CDC42BPA: variants seen among roughly 807,000 people sequenced by gnomAD.
The protein encoded by CDC42BPA is serine/threonine-protein kinase MRCK alpha.
A neutral mutation model predicts 223.5 loss-of-function variants in CDC42BPA; 80 were observed. That is an observed-to-expected ratio of 0.36 (90% CI 0.30 to 0.43). The LOEUF (loss-of-function observed/expected upper bound fraction) is 0.43. Among genes scored for constraint, CDC42BPA ranks in the 20% least tolerant of loss-of-function variants. The pLI is 1.00. For missense variants in CDC42BPA, 1,743 were observed against 2,099.9 expected, an observed-to-expected ratio of 0.83 and a Z score of 3.32; for synonymous variants, 694 against 718.6, an observed-to-expected ratio of 0.97 and a Z score of 0.55.
chr1:227,072,165 C>A, intron 20 of CDC42BPA, 43 bp downstream of exon 20: 1 of 1,040,706 alleles, frequency 9.6e-7, no homozygotes, highest in Non-Finnish European at 1.4e-6. Context: ...ATATTTATAA[C>A]ATAACAGTAA....
rs747657351 is a variant in CDC42BPA, at chr1:227,051,913, G to C, written c.2977C>G (p.Pro993Ala). 4 of 1,366,440 alleles carry C rather than the reference G, an allele frequency of 2.9e-6. No homozygotes were observed. The East Asian group carries it at 1.8e-4, about 62-fold the overall frequency. The allele number at this position is 1,366,440 out of a possible 1,614,324, so 84.6% of individuals were successfully genotyped here. A position where few individuals can be genotyped will look rare whatever the true frequency, so the allele number is the denominator to read the frequency against. ...KFHIQSRSTS[P>A]STSSEAEPVK... ...GGCTCAGCTTCACTAGATGTGGAAG[G>C]AGATGTGGACCGTGACTGGATGTGA... The change falls in exon 22 of 37, where the codon CCT (proline) becomes GCT (alanine). Residue 993 changes from proline (P) to alanine (A), a missense_variant. By Grantham distance (27) the Pro-to-Ala change is conservative (BLOSUM62 -1). Transcript: ENST00000366766.
At chr1:227,081,546 G>C (rs142859584) in intron 16 of CDC42BPA, among the ~76,000 whole-genome samples, 2 of 151,318 alleles carry the variant, frequency 1.3e-5, no homozygotes, top group African/African-American at 4.9e-5. Context: ...TCTGCCTCCC[G>C]GGTTCAAGCG....
At chr1:227,226,161 C>G (rs577488187) in intron 2 of CDC42BPA, among the ~76,000 whole-genome samples, 1 of 152,326 alleles carries the variant, frequency 6.6e-6, no homozygotes, top group East Asian at 1.9e-4. Flanking sequence ...TATTTCAATA[C>G]TGTTCTCTGT....
chr1:227,089,442 A>G (rs529944137), intron 16 of CDC42BPA, among the ~76,000 whole-genome samples: 38 of 152,312 alleles, frequency 2.5e-4, no homozygotes, highest in African/African-American at 9.1e-4. Context: ...AAAATTGAAC[A>G]AAAGTTTGAG....
rs58262020 is a variant in CDC42BPA, at chr1:227,200,443, A to AC, written c.355-792_355-791insG. On this transcript the variant is annotated intron_variant, in intron 3 of 36. Coordinates refer to ENST00000366766, the MANE Select transcript of CDC42BPA (RefSeq NM_001394014.1). ...GAGACCTTGCCTTAAAAAACAAACA[A>AC]ACAAAAAAAAAACGAAAGAAAGAAA... Among the ~76,000 whole-genome samples, 105 of 55,658 alleles carry AC rather than the reference A, an allele frequency of 1.9e-3. 1 individual carries two copies. The highest frequency in any genetic ancestry group is 5.4e-3 in the East Asian group (16 of 2,944). 36.5% of individuals were successfully genotyped at this position (55,658 alleles called of 152,430 possible).
chr1:227,291,448 C>T (rs56703671), intron 1 of CDC42BPA, among the ~76,000 whole-genome samples: 46,688 of 151,876 alleles, frequency 0.31, 7,358 homozygotes, highest in East Asian at 0.37. Context: ...ACTCAGGAGG[C>T]TGAGGCAGGA....
chr1:227,053,975 C>A (rs6681959), intron 21 of CDC42BPA, among the ~76,000 whole-genome samples: 1 of 151,992 alleles, frequency 6.6e-6, no homozygotes, highest in Non-Finnish European at 1.5e-5. Flanking sequence ...TAAAATGGAA[C>A]TGAGAAGCAA....
At chr1:227,289,642 T>C (rs950628365) in intron 1 of CDC42BPA, among the ~76,000 whole-genome samples, 1 of 152,208 alleles carries the variant, frequency 6.6e-6, no homozygotes, top group Non-Finnish European at 1.5e-5. Flanking sequence ...ATCTCCAGAT[T>C]TTTATGTCTG....
At chr1:227,178,631 G>A (rs751524542) in intron 5 of CDC42BPA, among the ~76,000 whole-genome samples, 40 of 152,112 alleles carry the variant, frequency 2.6e-4, no homozygotes, top group Non-Finnish European at 5.3e-4. Context: ...GGGTAGCTAC[G>A]ACTACAGGCA....
At chr1:227,230,538 ATT>A (rs1359214639) in intron 2 of CDC42BPA, among the ~76,000 whole-genome samples, 3 of 152,092 alleles carry the variant, frequency 2.0e-5, no homozygotes, top group African/African-American at 7.2e-5. Context: ...GATCTTATGC[ATT>A]GTTAGGTTAA....
At chr1:227,026,213 T>C in intron 30 of CDC42BPA, 61 bp from the exon 31 acceptor site, 2 of 873,624 alleles carry the variant, frequency 2.3e-6, no homozygotes, top group East Asian at 2.5e-5. Context: ...CCCCAAATAT[T>C]TTGAAAGGTC....
At chr1:227,051,388 T>A (rs2148869494) in intron 22 of CDC42BPA, among the ~76,000 whole-genome samples, 1 of 152,298 alleles carries the variant, frequency 6.6e-6, no homozygotes, top group East Asian at 1.9e-4. Context: ...ACAACACAGT[T>A]TTTTTTGCAC....
At chr1:227,121,725 A>G (rs1688690360) in intron 11 of CDC42BPA, among the ~76,000 whole-genome samples, 1 of 151,884 alleles carries the variant, frequency 6.6e-6, no homozygotes, top group African/African-American at 2.4e-5. Flanking sequence ...ATTTAAATCA[A>G]TTTCTTTCAA....
chr1:227,165,872 T>C (rs1460875726), intron 5 of CDC42BPA, among the ~76,000 whole-genome samples: 1 of 152,220 alleles, frequency 6.6e-6, no homozygotes, highest in Non-Finnish European at 1.5e-5. Context: ...CTTTTCAATA[T>C]AACCTTTTTT....
intron 31 of CDC42BPA, among the ~76,000 whole-genome samples, chr1:227,025,454 T>C (rs565759036): frequency 2.0e-5 from 3 of 152,332 alleles, no homozygotes; most frequent in Admixed American, 6.5e-5. Flanking sequence ...CAACTAATCA[T>C]ACATGCTATA....
intron 12 of CDC42BPA, among the ~76,000 whole-genome samples, chr1:227,117,625 C>A (rs1379773287): frequency 6.6e-6 from 1 of 152,056 alleles, no homozygotes; most frequent in Non-Finnish European, 1.5e-5. Context: ...TGATTAAATG[C>A]AGTTTTAATC....
At chr1:227,172,639 G>GTCC (rs765811158) in intron 5 of CDC42BPA, among the ~76,000 whole-genome samples, 18 of 152,082 alleles carry the variant, frequency 1.2e-4, no homozygotes, top group Admixed American at 2.6e-4. Context: ...GAAGGAAGAA[G>GTCC]TCCTACCATG....
chr1:227,081,745 C>T (rs924333255), intron 16 of CDC42BPA, among the ~76,000 whole-genome samples: 25 of 151,988 alleles, frequency 1.6e-4, no homozygotes, highest in African/African-American at 2.9e-4. Flanking sequence ...TGAGCCACCA[C>T]GCCTGGCCTA....
intron 24 of CDC42BPA, among the ~76,000 whole-genome samples, chr1:227,036,514 C>T (rs1055617619): frequency 5.3e-5 from 8 of 151,160 alleles, no homozygotes; most frequent in South Asian, 2.1e-4. Flanking sequence ...CTGCAGGCTC[C>T]GCCCCCCGGG....
Sources: gnomAD v4.1 joint callset for allele counts (sites outside exome capture counted in the v4.1 genomes callset) on GRCh38, gnomAD v4.1.1 for gene constraint, MANE v1.5 for transcripts, NCBI Gene and HGNC (gene_info 2026-07-23, HGNC 2026-07-21) for gene names.